PKP1: variants seen among roughly 807,000 people sequenced by gnomAD.
The protein encoded by PKP1 is plakophilin 1, also known as plakophilin-1.
A neutral mutation model predicts 76.4 loss-of-function variants in PKP1; 27 were observed. The observed-to-expected ratio is 0.35, with a 90% CI of 0.26 to 0.49. PKP1 has a LOEUF of 0.49. Among genes scored for constraint, PKP1 ranks in the 20% least tolerant of loss-of-function variants. The pLI is 0.99. For synonymous variants in PKP1, 404 were observed against 384.2 expected (o/e 1.05, Z -0.60); for missense variants, 964 against 955.2 (o/e 1.01, Z -0.12).
chr1:201,329,614 G>T (rs6685490), intron 13 of PKP1, among the ~76,000 whole-genome samples: 21,342 of 152,116 alleles, frequency 0.14, 1,941 homozygotes, highest in African/African-American at 0.26. Flanking sequence ...AAATAGCCTG[G>T]GATCAAGACA....
rs1657000777 is a variant in PKP1, at chr1:201,323,124, A to G, written c.1615A>G (p.Lys539Glu). 6.2e-7 allele frequency: 1 copy of G among 1,614,158 alleles called. No homozygotes were observed. The change falls in exon 9 of 14, where the codon AAG becomes GAG. Residue 539 changes from lysine (K) to glutamate (E), a missense_variant. Lys to Glu is a moderately conservative substitution (Grantham distance 56, BLOSUM62 1). Coordinates refer to ENST00000367324, the MANE Select transcript of PKP1 (RefSeq NM_001005337.3). ...CTACCTGAACCTCATGGGCAAGAGCAAGAAAGATGCTACCCTGGAGGCCTG... is the reference window on the plus strand; with the variant it reads ...CTACCTGAACCTCATGGGCAAGAGCGAGAAAGATGCTACCCTGGAGGCCTG... Reference protein sequence around the residue: ...RTYLNLMGKSKKDATLEACAG... With the variant: ...RTYLNLMGKSEKDATLEACAG...
chr1:201,307,789 G>C (rs539232416), intron 2 of PKP1, among the ~76,000 whole-genome samples: 6 of 152,194 alleles, frequency 3.9e-5, no homozygotes, highest in Non-Finnish European at 8.8e-5. Context: ...TCTAATCAAG[G>C]TTCTTTCTCC....
At chr1:201,286,808 T>C (rs760337479) in intron 1 of PKP1, among the ~76,000 whole-genome samples, 10 of 152,130 alleles carry the variant, frequency 6.6e-5, no homozygotes, top group Non-Finnish European at 1.0e-4. Flanking sequence ...AAGGGGAAAC[T>C]GAGGGGGATG....
Position 201,325,076 on chromosome 1 carries a change from A to T in PKP1, c.1970A>T (p.Gln657Leu), listed in dbSNP as rs771897498. The part of the protein sequence containing the change: ...LMASQPQLAK[Q>L]YFSSSMLNNI... ...GCCTCGCAGCCACAACTGGCCAAGC[A>T]GTACTTCTCCAGCAGCATGCTCAAC... Residue 657 changes from glutamine to leucine, a missense_variant, in exon 11 of 14, where the codon CAG (glutamine) becomes CTG (leucine). Coordinates refer to ENST00000367324, the MANE Select transcript of PKP1 (RefSeq NM_001005337.3). 1 of 1,613,942 alleles carries T rather than the reference A, an allele frequency of 6.2e-7. No homozygotes were observed. The highest frequency in any genetic ancestry group is 8.5e-7 in the Non-Finnish European group (1 of 1,180,044).
chr1:201,320,236 C>G, intron 6 of PKP1, 31 bp from the exon 7 acceptor site: 1 of 1,414,720 alleles, frequency 7.1e-7, no homozygotes, highest in Non-Finnish European at 1.0e-6. Flanking sequence ...CCCCCTTTCT[C>G]TGCCCTCTTC....
intron 12 of PKP1, 57 bp downstream of exon 12, chr1:201,325,895 C>T (rs1571565046): frequency 7.5e-7 from 1 of 1,336,680 alleles, no homozygotes; most frequent in Non-Finnish European, 1.1e-6. Context: ...GAGCAGAGGG[C>T]CTGGCATATG....
At chr1:201,317,317 AG>A (rs1432158471) in intron 4 of PKP1, among the ~76,000 whole-genome samples, 5 of 152,134 alleles carry the variant, frequency 3.3e-5, no homozygotes, top group Non-Finnish European at 5.9e-5. Flanking sequence ...AGGAAAGAGG[AG>A]GGACCCTAGC....
chr1:201,317,927 A>G (rs1182949580), intron 5 of PKP1, 148 bp downstream of exon 5: 1 of 814,516 alleles, frequency 1.2e-6, no homozygotes, highest in African/African-American at 1.7e-5. Flanking sequence ...CTGAGAGTTT[A>G]GTGACACTGG....
chr1:201,323,101 A>T lies in PKP1; in HGVS notation c.1592A>T (p.Tyr531Phe). Reference sequence around the variant, plus strand: ...TACCATTCAGATGCCATCCGCACCTACCTGAACCTCATGGGCAAGAGCAAG... The same window carrying T: ...TACCATTCAGATGCCATCCGCACCTTCCTGAACCTCATGGGCAAGAGCAAG... The part of the protein sequence containing the change: ...WLYHSDAIRT[Y>F]LNLMGKSKKD... Residue 531 changes from tyrosine (Y) to phenylalanine (F), a missense_variant, in exon 9 of 14, where the codon TAC becomes TTC. Tyr to Phe is a conservative substitution (Grantham distance 22). Coordinates refer to ENST00000367324, the MANE Select transcript of PKP1 (RefSeq NM_001005337.3). 1 of 1,614,152 alleles carries T rather than the reference A, an allele frequency of 6.2e-7. No individual in the cohort carries two copies. The highest frequency in any genetic ancestry group is 1.6e-4 in the Middle Eastern group (1 of 6,062).
chr1:201,325,215 T>C, intron 11 of PKP1, 88 bp downstream of exon 11: 2 of 1,358,736 alleles, frequency 1.5e-6, no homozygotes, highest in Non-Finnish European at 2.1e-6. Context: ...CAGCTCTCCA[T>C]GGAGTAGGGG....
chr1:201,323,761 C>A (rs1657021786), intron 9 of PKP1, among the ~76,000 whole-genome samples: 1 of 152,178 alleles, frequency 6.6e-6, no homozygotes, highest in Non-Finnish European at 1.5e-5. Context: ...GCAGCAGCAG[C>A]ACTAGAGTAG....
rs80328041 is a variant in PKP1 at position 201,329,291 on chromosome 1, G to A, written c.*32+423G>A. Among the ~76,000 whole-genome samples the A allele has an allele frequency of 3.9e-5, 6 of 152,294 alleles. No individual in the cohort carries two copies. The East Asian group carries it at 1.2e-3, about 29-fold the overall frequency. On this transcript the variant is annotated intron_variant, in intron 13 of 13. Transcript: ENST00000367324. ...ACTTTCCACTCTCTGCACATGCCCA[G>A]TGTGGACAAGTTTATTTCCAGCTGA...
intron 1 of PKP1, among the ~76,000 whole-genome samples, chr1:201,293,537 C>T (rs1294528550): frequency 2.6e-5 from 4 of 152,138 alleles, no homozygotes; most frequent in Admixed American, 6.5e-5. Flanking sequence ...CTGGGAATGT[C>T]GGAATCCTGC....
intron 7 of PKP1, among the ~76,000 whole-genome samples, chr1:201,321,716 G>A (rs1656946150): frequency 6.6e-6 from 1 of 152,186 alleles, no homozygotes; most frequent in African/African-American, 2.4e-5. Context: ...GACAATTGTA[G>A]TCTCATTTTA....
intron 1 of PKP1, 135 bp downstream of exon 1, chr1:201,284,039 C>A: frequency 1.2e-6 from 1 of 830,868 alleles, no homozygotes; most frequent in Non-Finnish European, 2.0e-6. Context: ...AGGGTCTACG[C>A]ACCTAGTGCG....
rs761473194 is a variant in PKP1 at position 201,324,554 on chromosome 1, C to T, written c.1807C>T (p.Arg603Cys). The T allele has an allele frequency of 6.8e-6, 11 of 1,614,082 alleles. No individual in the cohort carries two copies. The highest frequency in any genetic ancestry group is 2.7e-5 in the African/African-American group (2 of 75,026). ...SGASLLSNMS[R>C]HPLLHRVMGN... ...AGCCTCCCTCCTGAGCAACATGTCC[C>T]GCCACCCTCTGCTGCACAGAGTGAT... Residue 603 changes from arginine to cysteine, a missense_variant, in exon 10 of 14, where the codon CGC becomes TGC. Transcript: ENST00000367324.
intron 3 of PKP1, among the ~76,000 whole-genome samples, chr1:201,315,326 C>T (rs532453364): frequency 6.6e-6 from 1 of 152,338 alleles, no homozygotes; most frequent in South Asian, 2.1e-4. Flanking sequence ...CTCTGCACCT[C>T]GGGTGGTTTT....
chr1:201,314,386 C>T (rs987618017), intron 3 of PKP1, among the ~76,000 whole-genome samples: 1 of 152,130 alleles, frequency 6.6e-6, no homozygotes, highest in Non-Finnish European at 1.5e-5. Flanking sequence ...CACTTAAGCC[C>T]GGGAGGGGGA....
chr1:201,303,863 C>G (rs1430162499), intron 2 of PKP1, among the ~76,000 whole-genome samples: 1 of 152,168 alleles, frequency 6.6e-6, no homozygotes, highest in African/African-American at 2.4e-5. Flanking sequence ...GATAATTTTC[C>G]CAAAGCAGGC....
Sources: allele counts gnomAD v4.1 joint callset (sites outside exome capture counted in the v4.1 genomes callset), GRCh38; gene constraint gnomAD v4.1.1; transcripts MANE v1.5; gene names NCBI Gene and HGNC (gene_info 2026-07-23, HGNC 2026-07-21).